ASB1: variants seen among roughly 807,000 people sequenced by gnomAD.
ASB1 encodes ankyrin repeat and SOCS box protein 1.
ASB1 carries 18 observed loss-of-function variants against 27.7 expected under a neutral mutation model. The observed-to-expected ratio is 0.65, with a 90% confidence interval of 0.45 to 0.96. The LOEUF is 0.96. ASB1 is among the 50% of genes least tolerant of loss of function. The probability of loss-of-function intolerance (pLI) is 0.00; values close to 1 mark genes in which losing one functional copy is unlikely to be tolerated. For missense variants in ASB1, 397 were observed against 451.7 expected (o/e 0.88, Z 1.10); for synonymous variants, 189 against 187.6 (o/e 1.01, Z -0.06).
intron 3 of ASB1, among the ~76,000 whole-genome samples, chr2:238,438,850 G>C (rs1467560494): frequency 6.6e-6 from 1 of 152,202 alleles, no homozygotes; most frequent in African/African-American, 2.4e-5. Context: ...AAGGTACAGA[G>C]TGGTATTTCT....
rs1217619407 is a variant in ASB1 at position 238,448,849 on chromosome 2, TAGG to T, written c.*2344_*2346del. The T allele has an allele frequency of 6.6e-6, 1 of 152,330 alleles. No homozygotes were observed. The highest frequency in any genetic ancestry group is 1.5e-5 in the Non-Finnish European group (1 of 68,168). 9.4% of individuals were successfully genotyped at this position (152,330 alleles called of 1,614,324 possible). The stretch of plus-strand genomic sequence containing the variant: ...ACCAGGTCACTGCCCCTGGTCTCTC[TAGG>T]AGGAGTGGACTGAATGGATCGTTGC... On this transcript the variant is annotated 3_prime_UTR_variant, in exon 5 of 5. Coordinates refer to ENST00000264607, the MANE Select transcript of ASB1 (RefSeq NM_001040445.3).
In ASB1 at chr2:238,444,486, G is replaced by A; in HGVS notation, c.639G>A (p.Leu213=). The A allele has an allele frequency of 2.5e-6, 4 of 1,614,206 alleles. No individual in the cohort carries two copies. Among genetic ancestry groups the A allele is most frequent in the Non-Finnish European group, 3.4e-6 (4 of 1,180,038 alleles). Residue 213 remains leucine (L), a synonymous_variant, in exon 4 of 5, where the codon CTG becomes CTA. Transcript: ENST00000264607. ...TCCAGTGCTTCCGGCTGCTCCTCCT[G>A]GCTGGCGCGAACCCTGACTTCAACT... ...HNLQCFRLLL[L]AGANPDFNCN...
rs988838172 is a variant in ASB1, at chr2:238,450,909, A to T, written c.*4398A>T. The T allele has an allele frequency of 6.6e-6, 1 of 152,078 alleles. No homozygotes were observed. The highest frequency in any genetic ancestry group is 2.4e-5 in the African/African-American group (1 of 41,342). The allele number at this position is 152,078 out of a possible 1,614,324, so 9.4% of individuals were successfully genotyped here. A position where few individuals can be genotyped will look rare whatever the true frequency, so the allele number is the denominator to read the frequency against. On this transcript the variant is annotated 3_prime_UTR_variant, in exon 5 of 5. Coordinates refer to ENST00000264607, the MANE Select transcript of ASB1 (RefSeq NM_001040445.3). Reference sequence around the variant, plus strand: ...GCAGGCCTGGCCTCCCGGGGCCTGGATCCCTACCGGCTGGGATTGGCCTCC... The same window carrying T: ...GCAGGCCTGGCCTCCCGGGGCCTGGTTCCCTACCGGCTGGGATTGGCCTCC...
In ASB1 at chr2:238,450,996, C is replaced by T. The variant is rs1354369903; in HGVS notation, c.*4485C>T. On this transcript the variant is annotated 3_prime_UTR_variant, in exon 5 of 5. Coordinates refer to ENST00000264607, the MANE Select transcript of ASB1 (RefSeq NM_001040445.3). ...CACTTATGCCTCACTCCCCTCCTCC[C>T]GCTCCAAACCCGAACCTCTCAGTGT... The T allele has an allele frequency of 5.4e-5, 3 of 55,962 alleles. No homozygotes were observed. Among genetic ancestry groups the T allele is most frequent in the African/African-American group, 1.2e-4 (3 of 25,464 alleles). The allele number at this position is 55,962 out of a possible 1,614,324, so 3.5% of individuals were successfully genotyped here.
In ASB1 at chr2:238,451,942, G is replaced by A. The variant is rs1702294245; in HGVS notation, c.*5431G>A. ...CTCTGAGGGAACTTGGGGCTCCAGG[G>A]ACGTACCCCAAATGTTGCCCAGGTT... On this transcript the variant is annotated 3_prime_UTR_variant, in exon 5 of 5. Coordinates refer to ENST00000264607, the MANE Select transcript of ASB1 (RefSeq NM_001040445.3). 6.6e-6 allele frequency: 1 copy of A among 152,242 alleles called. No individual in the cohort carries two copies. The highest frequency in any genetic ancestry group is 6.5e-5 in the Admixed American group (1 of 15,276). 9.4% of individuals were successfully genotyped at this position (152,242 alleles called of 1,614,324 possible). A position where few individuals can be genotyped will look rare whatever the true frequency, so the allele number is the denominator to read the frequency against.
intron 1 of ASB1, among the ~76,000 whole-genome samples, chr2:238,429,961 A>C (rs1461631764): frequency 6.6e-6 from 1 of 151,090 alleles, no homozygotes; most frequent in African/African-American, 2.4e-5. Context: ...AACCAAGTAC[A>C]ATAATACCAT....
chr2:238,430,675 G>A (rs911366985), intron 1 of ASB1, among the ~76,000 whole-genome samples: 3 of 152,222 alleles, frequency 2.0e-5, no homozygotes, highest in Non-Finnish European at 4.4e-5. Flanking sequence ...CTATGGCAGC[G>A]ATAGCCTGAC....
Position 238,435,973 on chromosome 2 carries a change from T to G in ASB1, c.454T>G (p.Ser152Ala). 2 of 1,613,770 alleles carry G rather than the reference T, an allele frequency of 1.2e-6. No homozygotes were observed. Among genetic ancestry groups the G allele is most frequent in the South Asian group, 1.1e-5 (1 of 91,070 alleles). ...TCGCAGCACCCCTGTCTACCACGCC[T>G]CTCGCGTGGGCCGGGCAGACATCCT... ...HHRSTPVYHASRVGRADILKA... is the reference protein window; with the variant it reads ...HHRSTPVYHAARVGRADILKA... The change falls in exon 3 of 5, where the codon TCT becomes GCT. Residue 152 changes from serine (S) to alanine (A), a missense_variant. Ser to Ala is a moderately conservative substitution (Grantham distance 99, BLOSUM62 1). Coordinates refer to ENST00000264607, the MANE Select transcript of ASB1 (RefSeq NM_001040445.3).
chr2:238,426,931 A>C lies in ASB1; in HGVS notation c.-140A>C, dbSNP rs1006867098. The C allele has an allele frequency of 1.8e-6, 1 of 546,416 alleles. No homozygotes were observed. The highest frequency in any genetic ancestry group is 4.6e-5 in the Admixed American group (1 of 21,972). 33.8% of individuals were successfully genotyped at this position (546,416 alleles called of 1,614,324 possible). Reference sequence around the variant, plus strand: ...CCCTGCGCGGCCCCGGAAACCAGTGAGGCCGGCGCGCGCCCGCCGGAAGCC... The same window carrying C: ...CCCTGCGCGGCCCCGGAAACCAGTGCGGCCGGCGCGCGCCCGCCGGAAGCC... On this transcript the variant is annotated 5_prime_UTR_variant, in exon 1 of 5. Coordinates refer to ENST00000264607, the MANE Select transcript of ASB1 (RefSeq NM_001040445.3).
Position 238,446,559 on chromosome 2 carries a change from G to T in ASB1, c.*48G>T. On this transcript the variant is annotated 3_prime_UTR_variant, in exon 5 of 5. Coordinates refer to ENST00000264607, the MANE Select transcript of ASB1 (RefSeq NM_001040445.3). ...CCAGTGAGGGAGAAAGTGATCTGCA[G>T]GGAGGTGGACACCGAGCCCTGAGTG... The T allele has an allele frequency of 6.2e-7, 1 of 1,606,536 alleles. No homozygotes were observed.
At chr2:238,433,235 G>C (rs1258534480) in intron 1 of ASB1, 1 of 204,500 alleles carries the variant, frequency 4.9e-6, no homozygotes, top group South Asian at 1.1e-4. Context: ...TCTTGTCAGC[G>C]TTGGTGTCAG....
At chr2:238,435,607 A>T in intron 2 of ASB1, 104 bp from the exon 3 acceptor site, 4 of 1,232,472 alleles carry the variant, frequency 3.2e-6, no homozygotes, top group Non-Finnish European at 4.5e-6. Context: ...AGGCGTTATT[A>T]ACCAGAGGGG....
chr2:238,441,642 T>C (rs952319629), intron 3 of ASB1, among the ~76,000 whole-genome samples: 28 of 152,304 alleles, frequency 1.8e-4, no homozygotes, highest in African/African-American at 6.3e-4. Flanking sequence ...TCCGGAGCAG[T>C]GTACAGCGAC....
rs1334211359 is a variant in ASB1, at chr2:238,427,039, G to A, written c.-32G>A. ...GCTTCCTGCCCGAGGGGCGTGCGCG[G>A]GTCAGGGGCGGCCGCGGAGGCGGAA... On this transcript the variant is annotated 5_prime_UTR_variant, in exon 1 of 5. Transcript: ENST00000264607. 1 of 1,256,048 alleles carries A rather than the reference G, an allele frequency of 8.0e-7. No homozygotes were observed. The highest frequency in any genetic ancestry group is 1.0e-6 in the Non-Finnish European group (1 of 1,001,034). The allele number at this position is 1,256,048 out of a possible 1,614,324, so 77.8% of individuals were successfully genotyped here.
intron 3 of ASB1, among the ~76,000 whole-genome samples, chr2:238,437,228 CTTATT>C (rs1487648139): frequency 2.0e-5 from 3 of 151,652 alleles, no homozygotes; most frequent in Non-Finnish European, 2.9e-5. Flanking sequence ...GGTTTACAGT[CTTATT>C]TTATTTTATT....
At chr2:238,444,224 T>C in intron 3 of ASB1, 118 bp from the exon 4 acceptor site, 4 of 1,117,416 alleles carry the variant, frequency 3.6e-6, no homozygotes, top group Non-Finnish European at 5.1e-6. Context: ...CTACAGCGCC[T>C]GGTGTCACTG....
In ASB1 at chr2:238,446,656, G is replaced by T; in HGVS notation, c.*145G>T. On this transcript the variant is annotated 3_prime_UTR_variant, in exon 5 of 5. Transcript: ENST00000264607. ...CTCGTAGACTGTCATTGCTCCTCAG[G>T]TGCCTGGGCCGCTGAACAGTCCTTG... 3.8e-6 allele frequency: 4 copies of T among 1,056,148 alleles called. No homozygotes were observed. Among genetic ancestry groups the T allele is most frequent in the Non-Finnish European group, 5.7e-6 (4 of 704,134 alleles). The allele number at this position is 1,056,148 out of a possible 1,614,324, so 65.4% of individuals were successfully genotyped here. A position where few individuals can be genotyped will look rare whatever the true frequency, so the allele number is the denominator to read the frequency against.
Position 238,427,056 on chromosome 2 carries a change from G to A in ASB1, c.-15G>A. Reference sequence around the variant, plus strand: ...CGTGCGCGGGTCAGGGGCGGCCGCGGAGGCGGAAGCATCCATGGCGGAGGG... The same window carrying A: ...CGTGCGCGGGTCAGGGGCGGCCGCGAAGGCGGAAGCATCCATGGCGGAGGG... On this transcript the variant is annotated 5_prime_UTR_variant, in exon 1 of 5. Transcript: ENST00000264607. 1 of 1,261,052 alleles carries A rather than the reference G, an allele frequency of 7.9e-7. No individual in the cohort carries two copies. Among genetic ancestry groups the A allele is most frequent in the East Asian group, 3.2e-5 (1 of 31,540 alleles). The allele number at this position is 1,261,052 out of a possible 1,614,324, so 78.1% of individuals were successfully genotyped here. A position where few individuals can be genotyped will look rare whatever the true frequency, so the allele number is the denominator to read the frequency against.
At chr2:238,434,314 TG>T (rs1701926871) in intron 2 of ASB1, among the ~76,000 whole-genome samples, 1 of 152,188 alleles carries the variant, frequency 6.6e-6, no homozygotes, top group Non-Finnish European at 1.5e-5. Flanking sequence ...TCAGGACACC[TG>T]GGGGAGCAGA....
Sources: allele counts gnomAD v4.1 joint callset (sites outside exome capture counted in the v4.1 genomes callset), GRCh38; gene constraint gnomAD v4.1.1; transcripts MANE v1.5; gene names NCBI Gene and HGNC (gene_info 2026-07-23, HGNC 2026-07-21).